The following OTOL1 variants were observed in gnomAD, a reference collection of about 807,000 sequenced individuals.
OTOL1 encodes otolin 1, also known as otolin-1.
A neutral mutation model predicts 25.0 loss-of-function variants in OTOL1; 31 were observed. That is an observed-to-expected ratio of 1.24 (90% CI 0.93 to 1.67). OTOL1 has a LOEUF of 1.67. OTOL1 is among the 40% of genes most tolerant of loss of function. The pLI is 0.00. For missense variants in OTOL1, 654 were observed against 587.7 expected, an observed-to-expected ratio of 1.11 and a Z score of -1.17; for synonymous variants, 225 against 210.3, an observed-to-expected ratio of 1.07 and a Z score of -0.61.
At position 161,502,209 on chromosome 3, in the gene OTOL1, T is replaced by A; in HGVS notation, c.455-98T>A. Reference sequence around the variant, plus strand: ...ACGATTTAACTTTAGCCCATTTTGGTTAAAGAAAACACTAGAATGTGACAT... The same window carrying A: ...ACGATTTAACTTTAGCCCATTTTGGATAAAGAAAACACTAGAATGTGACAT... On this transcript the variant is annotated intron_variant, in intron 2 of 3. Coordinates refer to ENST00000327928, the MANE Select transcript of OTOL1 (RefSeq NM_001080440.1). The A allele has an allele frequency of 2.6e-6, 3 of 1,164,306 alleles. No homozygotes were observed. The South Asian group carries it at 4.1e-5, about 16-fold the overall frequency. 72.1% of individuals were successfully genotyped at this position (1,164,306 alleles called of 1,614,324 possible). A position where few individuals can be genotyped will look rare whatever the true frequency, so the allele number is the denominator to read the frequency against.
At chr3:161,499,098 T>C (rs1033669806) in intron 1 of OTOL1, 73 bp from the exon 2 acceptor site, 6 of 1,233,218 alleles carry the variant, frequency 4.9e-6, no homozygotes, top group African/African-American at 3.1e-5. Flanking sequence ...TAAAATGCTT[T>C]TTTTCTTTCC....
intron 1 of OTOL1, among the ~76,000 whole-genome samples, chr3:161,497,638 G>A (rs890448769): frequency 6.6e-6 from 1 of 152,086 alleles, no homozygotes; most frequent in South Asian, 2.1e-4. Context: ...AATGTGTGCT[G>A]ACTGATGGAT....
At chr3:161,499,985 A>G (rs1210834835) in intron 2 of OTOL1, among the ~76,000 whole-genome samples, 2 of 152,158 alleles carry the variant, frequency 1.3e-5, no homozygotes, top group Non-Finnish European at 2.9e-5. Context: ...CTGCCCCAGG[A>G]AATCCCTGGT....
rs765939257 is a variant in OTOL1, at chr3:161,503,692, C to T, written c.1184C>T (p.Thr395Met). Residue 395 changes from threonine to methionine, a missense_variant, in exon 4 of 4, where the codon ACG becomes ATG. Physicochemically the swap from Thr to Met is moderately conservative, Grantham distance 81. Transcript: ENST00000327928. Reference sequence around the variant, plus strand: ...ACATATGTTTTTTCCTACCATATTACGGTGAGGGGGCGACCTGCTCGAATC... The same window carrying T: ...ACATATGTTTTTTCCTACCATATTATGGTGAGGGGGCGACCTGCTCGAATC... ...PGTYVFSYHI[T>M]VRGRPARISL... 72 of 1,613,342 alleles carry T rather than the reference C, an allele frequency of 4.5e-5. No individual in the cohort carries two copies. The highest frequency in any genetic ancestry group is 1.6e-4 in the Middle Eastern group (1 of 6,084).
Position 161,503,850 on chromosome 3 carries a change from G to C in OTOL1, c.1342G>C (p.Asp448His), listed in dbSNP as rs1375953363. The C allele has an allele frequency of 6.2e-7, 1 of 1,613,936 alleles. No individual in the cohort carries two copies. The highest frequency in any genetic ancestry group is 1.7e-5 in the Admixed American group (1 of 60,022). The change falls in exon 4 of 4, where the codon GAT becomes CAT. Residue 448 changes from aspartate to histidine, a missense_variant. By Grantham distance (81) the Asp-to-His change is moderately conservative. Coordinates refer to ENST00000327928, the MANE Select transcript of OTOL1 (RefSeq NM_001080440.1). ...GDQVWLEVSK[D>H]WNGVYVSAED... ...CCAAGTCTGGCTTGAGGTGTCAAAAGATTGGAATGGGGTGTATGTCAGTGC... is the reference window on the plus strand; with the variant it reads ...CCAAGTCTGGCTTGAGGTGTCAAAACATTGGAATGGGGTGTATGTCAGTGC...
intron 2 of OTOL1, among the ~76,000 whole-genome samples, chr3:161,501,533 A>G (rs1718973411): frequency 6.9e-6 from 1 of 145,100 alleles, no homozygotes; most frequent in Non-Finnish European, 1.5e-5. Context: ...TAGATACTCT[A>G]TATAAAGAAC....
At chr3:161,499,000 A>G (rs1445560170) in intron 1 of OTOL1, among the ~76,000 whole-genome samples, 171 bp from the exon 2 acceptor site, 1 of 152,206 alleles carries the variant, frequency 6.6e-6, no homozygotes, top group Non-Finnish European at 1.5e-5. Flanking sequence ...GAAATTGCAA[A>G]TCAGACAAAA....
chr3:161,503,152 G>T lies in OTOL1; in HGVS notation c.644G>T (p.Gly215Val). 6.9e-7 allele frequency: 1 copy of T among 1,448,542 alleles called. No homozygotes were observed. The highest frequency in any genetic ancestry group is 9.1e-7 in the Non-Finnish European group (1 of 1,100,260). 89.7% of individuals were successfully genotyped at this position (1,448,542 alleles called of 1,614,324 possible). Residue 215 changes from glycine (G) to valine (V), a missense_variant, in exon 4 of 4, where the codon GGC becomes GTC. Coordinates refer to ENST00000327928, the MANE Select transcript of OTOL1 (RefSeq NM_001080440.1). ...GAAAAAGGAGACCAAGGGGCTATGG[G>T]CTCACCTGGCCTGCACGGAGGGCCT... ...KGEKGDQGAM[G>V]SPGLHGGPGA...
At chr3:161,499,292 G>A in intron 2 of OTOL1, 32 bp downstream of exon 2, 1 of 1,504,080 alleles carries the variant, frequency 6.6e-7, no homozygotes, top group South Asian at 1.2e-5. Flanking sequence ...AAACTCAAGG[G>A]ACATTCTGCA....
chr3:161,503,388 G>C lies in OTOL1; in HGVS notation c.880G>C (p.Glu294Gln). The C allele has an allele frequency of 6.2e-7, 1 of 1,609,328 alleles. No individual in the cohort carries two copies. Among genetic ancestry groups the C allele is most frequent in the Non-Finnish European group, 8.5e-7 (1 of 1,177,662 alleles). ...CAAAGGTGATCCAGGGATTAAAGGA[G>C]AAAAAGGAGAGTTAGGTCCTCCTGG... ...GAKGDPGIKG[E>Q]KGELGPPGLL... The change falls in exon 4 of 4, where the codon GAA becomes CAA. Residue 294 changes from glutamate (E) to glutamine (Q), a missense_variant. Physicochemically the swap from Glu to Gln is conservative, Grantham distance 29. Transcript: ENST00000327928.
At position 161,496,865 on chromosome 3, in the gene OTOL1, A is replaced by G. The variant is rs745739291; in HGVS notation, c.58A>G (p.Asn20Asp). The G allele has an allele frequency of 6.2e-7, 1 of 1,611,380 alleles. No homozygotes were observed. The highest frequency in any genetic ancestry group is 8.5e-7 in the Non-Finnish European group (1 of 1,178,780). Residue 20 changes from asparagine (N) to aspartate (D), a missense_variant, in exon 1 of 4, where the codon AAC (asparagine) becomes GAC (aspartate). Physicochemically the swap from Asn to Asp is conservative, Grantham distance 23. Transcript: ENST00000327928. ...AATTATTTTGGCTATTGCTGGTATG[A>G]ACACAATAGCAAAGACCACACCACA... The part of the protein sequence containing the change: ...ILIILAIAGM[N>D]TIAKTTPHTK...
chr3:161,498,193 T>A (rs762374917), intron 1 of OTOL1, among the ~76,000 whole-genome samples: 1 of 152,136 alleles, frequency 6.6e-6, no homozygotes, highest in Non-Finnish European at 1.5e-5. Context: ...GCTGGTAAGC[T>A]GCTTGGCGGT....
At position 161,503,581 on chromosome 3, in the gene OTOL1, T is replaced by C. The variant is rs1320961165; in HGVS notation, c.1073T>C (p.Ile358Thr). ...TCAAAGCCATTTCCTCCTCCTAACA[T>C]CCCCATCAAATTTGAAAAGATTCTC... is the stretch of plus-strand genomic sequence containing the variant. ...GLSKPFPPPN[I>T]PIKFEKILYN... Residue 358 changes from isoleucine to threonine, a missense_variant, in exon 4 of 4, where the codon ATC becomes ACC. By Grantham distance (89) the Ile-to-Thr change is moderately conservative. Coordinates refer to ENST00000327928, the MANE Select transcript of OTOL1 (RefSeq NM_001080440.1). 2.5e-6 allele frequency: 4 copies of C among 1,613,712 alleles called. No homozygotes were observed. The highest frequency in any genetic ancestry group is 3.3e-5 in the Admixed American group (2 of 60,000).
chr3:161,499,128 A>T, intron 1 of OTOL1, 43 bp from the exon 2 acceptor site: 1 of 1,473,280 alleles, frequency 6.8e-7, no homozygotes, highest in Non-Finnish European at 9.3e-7. Flanking sequence ...GAACTTTAAA[A>T]GAGAAATTTT....
chr3:161,499,553 A>G lies in OTOL1; in HGVS notation c.454+293A>G, dbSNP rs552408374. ...ACCTAGTGACAAGCAGCCACAGAGT[A>G]TAGTCTCTGGGGAAGGGTATAGAGA... is the stretch of plus-strand genomic sequence containing the variant. On this transcript the variant is annotated intron_variant, in intron 2 of 3. Transcript: ENST00000327928. 6.0e-4 allele frequency among the ~76,000 whole-genome samples: 92 copies of G among 152,254 alleles called. 1 individual carries two copies. The highest frequency in any genetic ancestry group is 9.8e-4 in the Non-Finnish European group (67 of 68,026).
rs573308839 is a variant in OTOL1 at position 161,502,471 on chromosome 3, A to T, written c.517+102A>T. ...AAATTATCAGAGAGGTAAGCTGAAAATACAAATTACTGTTATTCTTCTAAT... is the reference window on the plus strand; with the variant it reads ...AAATTATCAGAGAGGTAAGCTGAAATTACAAATTACTGTTATTCTTCTAAT... On this transcript the variant is annotated intron_variant, in intron 3 of 3. Transcript: ENST00000327928. 283 of 993,662 alleles carry T rather than the reference A, an allele frequency of 2.8e-4. No homozygotes were observed. In the African/African-American group the frequency reaches 3.9e-3, roughly 14 times the overall value. 61.6% of individuals were successfully genotyped at this position (993,662 alleles called of 1,614,324 possible).
intron 2 of OTOL1, among the ~76,000 whole-genome samples, chr3:161,499,620 A>T (rs748077643): frequency 9.9e-5 from 15 of 152,066 alleles, no homozygotes; most frequent in Non-Finnish European, 2.1e-4. Flanking sequence ...CTTCCTTTGG[A>T]TGCAAATAAT....
Position 161,497,116 on chromosome 3 carries a change from T to C in OTOL1, c.309T>C (p.Asp103=). The change falls in exon 1 of 4, where the codon GAT becomes GAC. Residue 103 remains aspartate, a synonymous_variant. Transcript: ENST00000327928. ...CTGATTTCTTTTTGAATTGTTGTGATTGTTGTTCACCTGTACCCGGGCAGA... is the reference window on the plus strand; with the variant it reads ...CTGATTTCTTTTTGAATTGTTGTGACTGTTGTTCACCTGTACCCGGGCAGA... ...DPADFFLNCC[D]CCSPVPGQKG... 1 of 1,613,608 alleles carries C rather than the reference T, an allele frequency of 6.2e-7. No homozygotes were observed. Among genetic ancestry groups the C allele is most frequent in the South Asian group, 1.1e-5 (1 of 91,076 alleles).
rs758623632 is a variant in OTOL1 at position 161,503,912 on chromosome 3, C to A, written c.1404C>A (p.Tyr468Ter). 1.9e-6 allele frequency: 3 copies of A among 1,612,746 alleles called. No individual in the cohort carries two copies. The highest frequency in any genetic ancestry group is 8.5e-7 in the Non-Finnish European group (1 of 1,179,348). ...GCATTTTTACTGGGTTCCTTTTGTACCCAGAGGAAACTTCTGGAATTTCAC... is the reference window on the plus strand; with the variant it reads ...GCATTTTTACTGGGTTCCTTTTGTAACCAGAGGAAACTTCTGGAATTTCAC... ...DDSIFTGFLL[Y>*]PEETSGISP Residue 468 changes from tyrosine to a stop codon, truncating the protein, a stop_gained, in exon 4 of 4, where the codon TAC (tyrosine) becomes TAA (stop). Transcript: ENST00000327928. LOFTEE classifies it high-confidence loss of function.
Sources: gnomAD v4.1 joint callset for allele counts (sites outside exome capture counted in the v4.1 genomes callset) on GRCh38, gnomAD v4.1.1 for gene constraint, MANE v1.5 for transcripts, NCBI Gene and HGNC (gene_info 2026-07-23, HGNC 2026-07-21) for gene names.